Variants in SEL1L3 observed in about 807,000 individuals in gnomAD.
SEL1L3 encodes SEL1L family member 3.
SEL1L3 carries 76 observed loss-of-function variants against 142.8 expected under a neutral mutation model. The ratio of observed to expected loss-of-function variants is 0.53; its 90% CI spans 0.44 to 0.64. The LOEUF is 0.64. Ranked by LOEUF, SEL1L3 falls within the 30% of genes least tolerant of loss-of-function variation. SEL1L3 has a pLI of 0.00. For missense variants in SEL1L3, 1,262 were observed against 1,381.7 expected (o/e 0.91, Z 1.37); for synonymous variants, 504 against 519.6 (o/e 0.97, Z 0.41).
intron 5 of SEL1L3, among the ~76,000 whole-genome samples, 186 bp downstream of exon 5, chr4:25,832,809 G>A (rs906957758): frequency 6.6e-6 from 1 of 152,212 alleles, no homozygotes; most frequent in Admixed American, 6.5e-5. Flanking sequence ...AATTAAATGG[G>A]ATGGGATTCT....
At chr4:25,776,547 C>G (rs1199735557) in intron 16 of SEL1L3, 187 bp from the exon 17 acceptor site, 1 of 555,392 alleles carries the variant, frequency 1.8e-6, no homozygotes, top group African/African-American at 1.9e-5. Flanking sequence ...ATTTAGTGCC[C>G]TTTCTTATGA....
chr4:25,812,364 C>T (rs1426762331), intron 9 of SEL1L3, among the ~76,000 whole-genome samples: 2 of 152,200 alleles, frequency 1.3e-5, no homozygotes, highest in East Asian at 3.9e-4. Context: ...TCCCCTTTAC[C>T]AGAACTACCA....
At chr4:25,807,155 T>C (rs79080623) in intron 9 of SEL1L3, among the ~76,000 whole-genome samples, 8,591 of 152,306 alleles carry the variant, frequency 0.056, 803 homozygotes, top group African/African-American at 0.2. Flanking sequence ...GCTCATTCTT[T>C]CTAATGCTTC....
chr4:25,729,035 T>A, the SEL1L3 span, among the ~76,000 whole-genome samples: 1 of 106,604 alleles, frequency 9.4e-6, no homozygotes, highest in Non-Finnish European at 1.8e-5. Flanking sequence ...TCACCAGACG[T>A]TTTTTTTTCC....
the SEL1L3 span, among the ~76,000 whole-genome samples, chr4:25,732,896 C>A: frequency 6.6e-5 from 10 of 152,060 alleles, no homozygotes; most frequent in African/African-American, 2.4e-4. Context: ...CAGGTGCACA[C>A]CACCAAGCCA....
chr4:25,825,240 G>A (rs537139076), intron 6 of SEL1L3, among the ~76,000 whole-genome samples: 1 of 152,042 alleles, frequency 6.6e-6, no homozygotes, highest in Non-Finnish European at 1.5e-5. Flanking sequence ...TATATGTCCA[G>A]CTTGGTCTCC....
chr4:25,754,346 GACA>G (rs1025716960), intron 23 of SEL1L3, among the ~76,000 whole-genome samples: 15 of 133,594 alleles, frequency 1.1e-4, no homozygotes, highest in Admixed American at 4.6e-4. Flanking sequence ...AAAAATTATT[GACA>G]ACTTTTTTTT....
downstream of SEL1L3, among the ~76,000 whole-genome samples, chr4:25,742,439 A>G (rs115178309): frequency 0.011 from 1,663 of 152,058 alleles, 30 homozygotes; most frequent in African/African-American, 0.038. Flanking sequence ...TGGTGCAATC[A>G]GGTGCGTGCC....
the SEL1L3 span, among the ~76,000 whole-genome samples, chr4:25,732,431 C>T: frequency 1.3e-5 from 2 of 152,122 alleles, no homozygotes; most frequent in Admixed American, 6.6e-5. Context: ...CTCTGTTTTC[C>T]AAAGTAGTTG....
intron 2 of SEL1L3, among the ~76,000 whole-genome samples, chr4:25,837,681 C>T (rs1390061484): frequency 1.3e-5 from 2 of 151,984 alleles, no homozygotes; most frequent in East Asian, 1.9e-4. Context: ...ATGATACTGT[C>T]TTTTGATTAC....
intron 23 of SEL1L3, among the ~76,000 whole-genome samples, chr4:25,750,855 C>G (rs1208219124): frequency 6.6e-6 from 1 of 152,186 alleles, no homozygotes; most frequent in Non-Finnish European, 1.5e-5. Context: ...AGGCTAACCA[C>G]TTAGCTGGAA....
At chr4:25,810,637 C>G (rs1209466988) in intron 9 of SEL1L3, among the ~76,000 whole-genome samples, 1 of 152,192 alleles carries the variant, frequency 6.6e-6, no homozygotes, top group Non-Finnish European at 1.5e-5. Flanking sequence ...ATTGGAGGTT[C>G]CCCAGGAAAC....
chr4:25,726,389 G>A, the SEL1L3 span, among the ~76,000 whole-genome samples: 3 of 151,956 alleles, frequency 2.0e-5, no homozygotes, highest in Admixed American at 6.6e-5. Context: ...TTAGCTGTGC[G>A]TGGTGGTGTG....
At chr4:25,783,385 C>A (rs1473002757) in intron 14 of SEL1L3, among the ~76,000 whole-genome samples, 1 of 152,204 alleles carries the variant, frequency 6.6e-6, no homozygotes, top group East Asian at 1.9e-4. Flanking sequence ...CAACTTTGAA[C>A]TCCTCAAGAG....
intron 1 of SEL1L3, among the ~76,000 whole-genome samples, chr4:25,860,188 A>C (rs928210443): frequency 1.3e-5 from 2 of 152,224 alleles, no homozygotes; most frequent in Non-Finnish European, 2.9e-5. Flanking sequence ...TAATGCCTAT[A>C]AACGATTTAG....
intron 9 of SEL1L3, among the ~76,000 whole-genome samples, chr4:25,807,007 C>T (rs1332156811): frequency 1.3e-5 from 2 of 152,088 alleles, no homozygotes; most frequent in African/African-American, 4.8e-5. Context: ...TACAATAATT[C>T]GTATCCAAAT....
At chr4:25,845,776 C>T (rs1164397005) in intron 2 of SEL1L3, among the ~76,000 whole-genome samples, 3 of 152,140 alleles carry the variant, frequency 2.0e-5, no homozygotes, top group African/African-American at 7.2e-5. Flanking sequence ...GATGAAATGT[C>T]AGGCACTTCC....
chr4:25,847,411 G>A lies in SEL1L3; in HGVS notation c.616C>T (p.Gln206Ter). 6.2e-7 allele frequency: 1 copy of A among 1,613,982 alleles called. No homozygotes were observed. Among genetic ancestry groups the A allele is most frequent in the Middle Eastern group, 1.6e-4 (1 of 6,062 alleles). The change falls in exon 2 of 24, where the codon CAG (glutamine) becomes TAG (stop). Residue 206 changes from glutamine (Q) to a stop codon, truncating the protein, a stop_gained. Coordinates refer to ENST00000399878, the MANE Select transcript of SEL1L3 (RefSeq NM_015187.5). LOFTEE classifies it high-confidence loss of function. Reference protein sequence around the residue: ...HAVAKNYTLLQTIPPFERPFK... With the variant: ...HAVAKNYTLL Reference sequence around the variant, plus strand: ...GGGCGTTCAAAAGGCGGGATGGTCTGCAGGAGGGTATAATTCTTTGCTACA... The same window carrying A: ...GGGCGTTCAAAAGGCGGGATGGTCTACAGGAGGGTATAATTCTTTGCTACA...
intron 9 of SEL1L3, among the ~76,000 whole-genome samples, chr4:25,814,181 AG>A (rs1714217564): frequency 7.3e-6 from 1 of 137,776 alleles, no homozygotes; most frequent in Non-Finnish European, 1.7e-5. Flanking sequence ...TAAAAATTCC[AG>A]AAAAAAAAAA....
Sources: gnomAD v4.1 joint callset for allele counts (sites outside exome capture counted in the v4.1 genomes callset) on GRCh38, gnomAD v4.1.1 for gene constraint, MANE v1.5 for transcripts, NCBI Gene and HGNC (gene_info 2026-07-23, HGNC 2026-07-21) for gene names.